The following PTPRT variants were observed in gnomAD, a reference collection of about 807,000 sequenced individuals.
PTPRT encodes receptor-type tyrosine-protein phosphatase T.
A neutral mutation model predicts 176.8 loss-of-function variants in PTPRT; 56 were observed. That is an observed-to-expected ratio of 0.32 (90% CI 0.26 to 0.40). PTPRT has a LOEUF of 0.40. PTPRT is among the 10% of genes least tolerant of loss of function. The probability of loss-of-function intolerance (pLI) is 1.00; values close to 1 mark genes in which losing one functional copy is unlikely to be tolerated. For synonymous variants in PTPRT, 783 were observed against 739.0 expected (o/e 1.06, Z -0.96); for missense variants, 1,540 against 1,908.2 (o/e 0.81, Z 3.60).
At chr20:42,533,326 C>T (rs564419233) in intron 7 of PTPRT, among the ~76,000 whole-genome samples, 2 of 152,172 alleles carry the variant, frequency 1.3e-5, no homozygotes, top group Non-Finnish European at 2.9e-5. Context: ...TGCGGGTGTG[C>T]CGCCGGGTCT....
At chr20:43,090,416 CG>C (rs2011784285) in intron 1 of PTPRT, among the ~76,000 whole-genome samples, 1 of 151,960 alleles carries the variant, frequency 6.6e-6, no homozygotes. Flanking sequence ...TACAGGCGCC[CG>C]CCACCACGCC....
At chr20:42,902,203 T>C (rs866622406) in intron 1 of PTPRT, among the ~76,000 whole-genome samples, 26 of 152,158 alleles carry the variant, frequency 1.7e-4, no homozygotes, top group Admixed American at 3.3e-4. Flanking sequence ...ATTTTTAACA[T>C]ACAATTTTTT....
chr20:42,126,397 T>C (rs1244362912), intron 19 of PTPRT, among the ~76,000 whole-genome samples: 1 of 152,170 alleles, frequency 6.6e-6, no homozygotes, highest in East Asian at 1.9e-4. Context: ...GGACAAGTTA[T>C]ATAATCTTAA....
At chr20:42,194,637 C>A (rs371043680) in intron 16 of PTPRT, among the ~76,000 whole-genome samples, 5 of 152,090 alleles carry the variant, frequency 3.3e-5, no homozygotes, top group African/African-American at 1.2e-4. Context: ...AGCAAAAGAT[C>A]GCAGAGAAAA....
At chr20:43,125,339 T>A (rs1024059988) in intron 1 of PTPRT, among the ~76,000 whole-genome samples, 3 of 152,036 alleles carry the variant, frequency 2.0e-5, no homozygotes, top group Non-Finnish European at 4.4e-5. Flanking sequence ...GGTGCCAAAT[T>A]CCACCCTCTT....
Position 43,176,193 on chromosome 20 carries a change from G to A in PTPRT, c.88+13453C>T, listed in dbSNP as rs111512763. 3.3e-3 allele frequency among the ~76,000 whole-genome samples: 111 copies of A among 33,710 alleles called. 12 individuals carry two copies. Among genetic ancestry groups the A allele is most frequent in the African/African-American group, 0.01 (87 of 8,320 alleles). 22.1% of individuals were successfully genotyped at this position (33,710 alleles called of 152,430 possible). On this transcript the variant is annotated intron_variant, in intron 1 of 30. Transcript: ENST00000373187. ...AGCCTGGCAACAGAGTGAGACCCTG[G>A]GCTCTGACTGTGCCACTGCACTCTA...
chr20:42,925,801 G>A (rs149468375), intron 1 of PTPRT, among the ~76,000 whole-genome samples: 178 of 152,318 alleles, frequency 1.2e-3, no homozygotes, highest in African/African-American at 4.2e-3. Context: ...GCCATGCCTT[G>A]AGAGAATTCA....
At chr20:42,280,040 C>T (rs189754704) in intron 13 of PTPRT, among the ~76,000 whole-genome samples, 10 of 152,054 alleles carry the variant, frequency 6.6e-5, no homozygotes, top group Admixed American at 2.0e-4. Context: ...TTCCAAAGTC[C>T]GTGGGATTCT....
Position 42,502,799 on chromosome 20 carries a change from CTCTAG to C in PTPRT, c.1154-30242_1154-30238del, listed in dbSNP as rs375266487. On this transcript the variant is annotated intron_variant, in intron 7 of 30. Transcript: ENST00000373187. ...CCTGAGAGTACATGTGCAAGAGTTT[CTCTAG>C]TCTAGGCTACATATCTGTGAGTAAA... Among the ~76,000 whole-genome samples, 218 of 152,164 alleles carry C rather than the reference CTCTAG, an allele frequency of 1.4e-3. 1 individual carries two copies. The highest frequency in any genetic ancestry group is 4.6e-3 in the African/African-American group (193 of 41,546).
intron 4 of PTPRT, among the ~76,000 whole-genome samples, chr20:42,772,597 T>A (rs1311681657): frequency 6.6e-6 from 1 of 152,218 alleles, no homozygotes; most frequent in African/African-American, 2.4e-5. Context: ...CTCCATTGGC[T>A]GATAAATTGT....
chr20:43,132,157 T>A (rs1369857312), intron 1 of PTPRT, among the ~76,000 whole-genome samples: 2 of 152,068 alleles, frequency 1.3e-5, no homozygotes, highest in Non-Finnish European at 2.9e-5. Context: ...GTACTCTGAG[T>A]GCTATTCAAT....
rs1180447451 is a variant in PTPRT, at chr20:42,617,494, G to A, written c.1153+60372C>T. Among the ~76,000 whole-genome samples the A allele has an allele frequency of 8.2e-5, 11 of 134,500 alleles. 1 individual carries two copies. The highest frequency in any genetic ancestry group is 3.7e-4 in the African/African-American group (11 of 29,340). The allele number at this position is 134,500 out of a possible 152,430, so 88.2% of individuals were successfully genotyped here. On this transcript the variant is annotated intron_variant, in intron 7 of 30. Coordinates refer to ENST00000373187, the MANE Select transcript of PTPRT (RefSeq NM_007050.6). ...GGATTCCCTCTTTTTCTGTTGATTGGAATAGCTTCAGAAGGAATGGTACCA... is the reference window on the plus strand; with the variant it reads ...GGATTCCCTCTTTTTCTGTTGATTGAAATAGCTTCAGAAGGAATGGTACCA...
rs1021860128 is a variant in PTPRT at position 42,076,987 on chromosome 20, C to T, written c.*3892G>A. 5 of 191,568 alleles carry T rather than the reference C, an allele frequency of 2.6e-5. No individual in the cohort carries two copies. Among genetic ancestry groups the T allele is most frequent in the Admixed American group, 6.1e-5 (1 of 16,274 alleles). The allele number at this position is 191,568 out of a possible 1,614,324, so 11.9% of individuals were successfully genotyped here. A position where few individuals can be genotyped will look rare whatever the true frequency, so the allele number is the denominator to read the frequency against. ...TATTGTCTCTGTAGTGAGAAAAAACCGGTTTAAATCCTGGTTCATTCACTC... is the reference window on the plus strand; with the variant it reads ...TATTGTCTCTGTAGTGAGAAAAAACTGGTTTAAATCCTGGTTCATTCACTC... On this transcript the variant is annotated 3_prime_UTR_variant, in exon 31 of 31. Coordinates refer to ENST00000373187, the MANE Select transcript of PTPRT (RefSeq NM_007050.6).
chr20:42,125,899 C>T (rs990990811), intron 19 of PTPRT, among the ~76,000 whole-genome samples: 4 of 151,840 alleles, frequency 2.6e-5, no homozygotes, highest in East Asian at 1.9e-4. Context: ...GGCCTGTGGT[C>T]CTTAGGGTCA....
At chr20:43,052,403 G>C (rs1987083601) in intron 1 of PTPRT, among the ~76,000 whole-genome samples, 1 of 152,200 alleles carries the variant, frequency 6.6e-6, no homozygotes, top group South Asian at 2.1e-4. Flanking sequence ...TGGCTATTTG[G>C]TGTGTGCCAT....
rs562108090 is a variant in PTPRT at position 42,523,566 on chromosome 20, T to G, written c.1154-51004A>C. Reference sequence around the variant, plus strand: ...GAGGGAATTTGGAAAATTTAAAAACTAAGTCACCAGTGTCATTTTCCAGCC... The same window carrying G: ...GAGGGAATTTGGAAAATTTAAAAACGAAGTCACCAGTGTCATTTTCCAGCC... On this transcript the variant is annotated intron_variant, in intron 7 of 30. Transcript: ENST00000373187. Among the ~76,000 whole-genome samples the G allele has an allele frequency of 2.0e-5, 3 of 152,316 alleles. 1 individual carries two copies. The South Asian group carries it at 6.2e-4, about 32-fold the overall frequency.
At chr20:42,728,516 C>G (rs577343965) in intron 6 of PTPRT, among the ~76,000 whole-genome samples, 1 of 152,300 alleles carries the variant, frequency 6.6e-6, no homozygotes, top group South Asian at 2.1e-4. Flanking sequence ...CTTTACTCAG[C>G]AACAGCACTA....
chr20:42,419,236 C>A (rs1174981822), intron 9 of PTPRT, among the ~76,000 whole-genome samples: 1 of 152,112 alleles, frequency 6.6e-6, no homozygotes, highest in Admixed American at 6.6e-5. Context: ...AATATGTGGC[C>A]AAGACAGAGG....
In PTPRT at chr20:42,107,367, G is replaced by A. The variant is rs530329438; in HGVS notation, c.3255-446C>T. 3.9e-5 allele frequency among the ~76,000 whole-genome samples: 6 copies of A among 152,202 alleles called. No individual in the cohort carries two copies. The East Asian group carries it at 7.7e-4, about 20-fold the overall frequency. On this transcript the variant is annotated intron_variant, in intron 23 of 30. Transcript: ENST00000373187. ...CAGAGAGTGGTTGGTGGAGCACCAC[G>A]TTCAAAGGCCGGCATCTGGCTCCAC...
Sources: gnomAD v4.1 joint callset for allele counts (sites outside exome capture counted in the v4.1 genomes callset) on GRCh38, gnomAD v4.1.1 for gene constraint, MANE v1.5 for transcripts, NCBI Gene and HGNC (gene_info 2026-07-23, HGNC 2026-07-21) for gene names.